The following ENOX1 variants were observed in gnomAD, a reference collection of about 807,000 sequenced individuals.
ENOX1 encodes the protein ecto-NOX disulfide-thiol exchanger 1.
A neutral mutation model predicts 82.5 loss-of-function variants in ENOX1; 42 were observed. That is an observed-to-expected ratio of 0.51 (90% CI 0.40 to 0.66). The LOEUF (loss-of-function observed/expected upper bound fraction) is 0.66, where lower values mean the gene tolerates loss of function less well. ENOX1 is among the 30% of genes least tolerant of loss of function. ENOX1 has a pLI of 0.00. For synonymous variants in ENOX1, 271 were observed against 282.2 expected, an observed-to-expected ratio of 0.96 and a Z score of 0.40; for missense variants, 608 against 811.6, an observed-to-expected ratio of 0.75 and a Z score of 3.05.
intron 5 of ENOX1, among the ~76,000 whole-genome samples, chr13:43,394,192 T>C (rs2052989361): frequency 1.3e-5 from 2 of 152,228 alleles, no homozygotes; most frequent in South Asian, 4.1e-4. Flanking sequence ...ACTTGTGCAA[T>C]ATCAATAGGC....
chr13:43,730,237 G>A (rs1215890950), intron 1 of ENOX1, among the ~76,000 whole-genome samples: 1 of 152,192 alleles, frequency 6.6e-6, no homozygotes, highest in Non-Finnish European at 1.5e-5. Flanking sequence ...AGGAAGAAAG[G>A]TGGTATCTCT....
chr13:43,419,588 ATT>A (rs375433161), intron 3 of ENOX1, among the ~76,000 whole-genome samples: 323 of 152,218 alleles, frequency 2.1e-3, no homozygotes, highest in African/African-American at 6.8e-3. Context: ...AAAAAGCATG[ATT>A]TTGTTTGGTC....
At chr13:43,354,798 G>C (rs866315250) in intron 8 of ENOX1, among the ~76,000 whole-genome samples, 64 of 152,282 alleles carry the variant, frequency 4.2e-4, no homozygotes, top group Middle Eastern at 3.4e-3. Flanking sequence ...TTCTGCTTCT[G>C]TGGGTTTTTA....
chr13:43,496,141 A>T (rs1593487910), intron 2 of ENOX1, among the ~76,000 whole-genome samples: 1 of 151,810 alleles, frequency 6.6e-6, no homozygotes, highest in African/African-American at 2.4e-5. Flanking sequence ...ATGTTTTTTT[A>T]TAGGGAGCCT....
intron 8 of ENOX1, among the ~76,000 whole-genome samples, chr13:43,351,695 C>T (rs570643465): frequency 2.7e-5 from 4 of 148,862 alleles, no homozygotes; most frequent in Admixed American, 6.8e-5. Flanking sequence ...TTTGTTCTTG[C>T]GATAGTTTAC....
chr13:43,699,837 C>T (rs1203007483), intron 1 of ENOX1, among the ~76,000 whole-genome samples: 1 of 152,118 alleles, frequency 6.6e-6, no homozygotes, highest in Non-Finnish European at 1.5e-5. Context: ...AATAGTTGTA[C>T]ATATTTTTGG....
intron 5 of ENOX1, among the ~76,000 whole-genome samples, chr13:43,382,184 A>G (rs1276382635): frequency 1.3e-5 from 2 of 152,150 alleles, no homozygotes. Context: ...TCCCAGAGAT[A>G]CAAGGTTGGT....
intron 11 of ENOX1, among the ~76,000 whole-genome samples, chr13:43,304,406 C>A (rs1350837014): frequency 6.6e-6 from 1 of 152,140 alleles, no homozygotes; most frequent in Non-Finnish European, 1.5e-5. Flanking sequence ...AGGTGTGGCT[C>A]TAGGACTATA....
chr13:43,359,423 C>G (rs1278937842), intron 7 of ENOX1, among the ~76,000 whole-genome samples: 1 of 152,234 alleles, frequency 6.6e-6, no homozygotes, highest in African/African-American at 2.4e-5. Flanking sequence ...CCTAGGGCCC[C>G]TAAGCTACTT....
chr13:43,687,675 A>G (rs149418702), intron 1 of ENOX1, among the ~76,000 whole-genome samples: 285 of 152,290 alleles, frequency 1.9e-3, no homozygotes, highest in African/African-American at 6.6e-3. Context: ...CTATGTTCCA[A>G]GCATGATGGA....
At chr13:43,584,961 G>A (rs2080912129) in intron 2 of ENOX1, among the ~76,000 whole-genome samples, 1 of 152,158 alleles carries the variant, frequency 6.6e-6, no homozygotes, top group African/African-American at 2.4e-5. Context: ...CCCAACTGTG[G>A]TAGGCTGAAT....
chr13:43,515,762 T>C (rs1480582348), intron 2 of ENOX1, among the ~76,000 whole-genome samples: 2 of 152,212 alleles, frequency 1.3e-5, no homozygotes, highest in African/African-American at 4.8e-5. Flanking sequence ...CAACTGCTCG[T>C]GGAAATCTTT....
At chr13:43,483,149 G>A (rs1476407358) in intron 3 of ENOX1, among the ~76,000 whole-genome samples, 1 of 152,156 alleles carries the variant, frequency 6.6e-6, no homozygotes, top group Admixed American at 6.5e-5. Flanking sequence ...AAATGCCTAT[G>A]GGAAAAGATG....
intron 1 of ENOX1, among the ~76,000 whole-genome samples, chr13:43,711,526 T>C (rs202120874): frequency 0.12 from 18,626 of 151,800 alleles, 2,151 homozygotes; most frequent in African/African-American, 0.3. Context: ...AACTAGTTTA[T>C]AGTCCCACCA....
intron 15 of ENOX1, among the ~76,000 whole-genome samples, chr13:43,236,365 G>T (rs2042551839): frequency 6.6e-6 from 1 of 152,150 alleles, no homozygotes; most frequent in South Asian, 2.1e-4. Flanking sequence ...TTGAAATTCA[G>T]ATTTGTAACA....
At chr13:43,720,798 G>A (rs2088521943) in intron 1 of ENOX1, among the ~76,000 whole-genome samples, 1 of 152,140 alleles carries the variant, frequency 6.6e-6, no homozygotes, top group Non-Finnish European at 1.5e-5. Context: ...TCCACAATGG[G>A]TGGGAGGAAG....
intron 7 of ENOX1, 152 bp from the exon 8 acceptor site, chr13:43,356,304 T>C: frequency 1.4e-6 from 1 of 706,770 alleles, no homozygotes; most frequent in South Asian, 1.9e-5. Flanking sequence ...CAATTATCCT[T>C]TTCCCCAGCA....
At chr13:43,252,884 A>AGG (rs930295574) in intron 14 of ENOX1, among the ~76,000 whole-genome samples, 66 of 152,282 alleles carry the variant, frequency 4.3e-4, no homozygotes, top group South Asian at 6.2e-4. Context: ...CAGCAAGGGA[A>AGG]GGGGGGATCT....
intron 2 of ENOX1, among the ~76,000 whole-genome samples, chr13:43,600,633 G>A (rs1161830985): frequency 6.6e-6 from 1 of 152,150 alleles, no homozygotes; most frequent in African/African-American, 2.4e-5. Context: ...AACTTGGCTG[G>A]CTTTACCACC....
Sources: allele counts gnomAD v4.1 joint callset (sites outside exome capture counted in the v4.1 genomes callset), GRCh38; gene constraint gnomAD v4.1.1; transcripts MANE v1.5; gene names NCBI Gene and HGNC (gene_info 2026-07-23, HGNC 2026-07-21).